The following CCNF variants were observed in gnomAD, a reference collection of about 807,000 sequenced individuals.
CCNF encodes cyclin F.
CCNF carries 30 observed loss-of-function variants against 85.4 expected under a neutral mutation model. The observed-to-expected ratio is 0.35, with a 90% CI of 0.26 to 0.48. The LOEUF is 0.48. Ranked by LOEUF, CCNF falls within the 20% of genes least tolerant of loss-of-function variation. The pLI is 0.99. For synonymous variants in CCNF, 439 were observed against 425.1 expected, an observed-to-expected ratio of 1.03 and a Z score of -0.40; for missense variants, 919 against 1,010.4, an observed-to-expected ratio of 0.91 and a Z score of 1.23.
At chr16:2,455,733 G>T (rs554838007) in intron 16 of CCNF, among the ~76,000 whole-genome samples, 169 bp downstream of exon 16, 1 of 152,156 alleles carries the variant, frequency 6.6e-6, no homozygotes, top group East Asian at 1.9e-4. Context: ...GACATGGGGA[G>T]AGAGGAGGGG....
intron 8 of CCNF, among the ~76,000 whole-genome samples, chr16:2,441,981 A>ATATG (rs1322601122): frequency 2.5e-4 from 25 of 98,764 alleles, no homozygotes; most frequent in South Asian, 9.9e-4. Flanking sequence ...ATATATATAT[A>ATATG]TGTTTTTGTT....
rs1256384819 is a variant in CCNF at position 2,451,203 on chromosome 16, C to T, written c.1487+1288C>T. Among the ~76,000 whole-genome samples the T allele has an allele frequency of 1.3e-5, 2 of 152,202 alleles. No homozygotes were observed. The highest frequency in any genetic ancestry group is 1.9e-4 in the East Asian group (1 of 5,192). On this transcript the variant is annotated intron_variant, in intron 13 of 16. Coordinates refer to ENST00000397066, the MANE Select transcript of CCNF (RefSeq NM_001761.3). This position sits in a 1 kb window ranked among gnomAD's most constrained non-coding sequence, Gnocchi z 4.3. ...AGAGAGTTCAGAGGTCAGGTCGTGA[C>T]GAGAGAAACAGCAGGCAGGCGCGCG...
Position 2,432,075 on chromosome 16 carries a change from C to A in CCNF, c.171+791C>A, listed in dbSNP as rs570433535. On this transcript the variant is annotated intron_variant, in intron 2 of 16. Coordinates refer to ENST00000397066, the MANE Select transcript of CCNF (RefSeq NM_001761.3). ...TCTATCTCTTGACCTCGTGATCCGCCCGCCTCGGCCTCCCAAAGTGCTGGG... is the reference window on the plus strand; with the variant it reads ...TCTATCTCTTGACCTCGTGATCCGCACGCCTCGGCCTCCCAAAGTGCTGGG... Among the ~76,000 whole-genome samples the A allele has an allele frequency of 6.6e-5, 10 of 152,228 alleles. No homozygotes were observed. In the East Asian group the frequency reaches 1.9e-3, roughly 29 times the overall value.
At position 2,449,098 on chromosome 16, in the gene CCNF, G is replaced by A. The variant is rs1330551374; in HGVS notation, c.1218+120G>A. The A allele has an allele frequency of 2.0e-6, 3 of 1,499,764 alleles. No individual in the cohort carries two copies. In the Admixed American group the frequency reaches 5.1e-5, roughly 26 times the overall value. 92.9% of individuals were successfully genotyped at this position (1,499,764 alleles called of 1,614,324 possible). A position where few individuals can be genotyped will look rare whatever the true frequency, so the allele number is the denominator to read the frequency against. On this transcript the variant is annotated intron_variant, in intron 11 of 16. Coordinates refer to ENST00000397066, the MANE Select transcript of CCNF (RefSeq NM_001761.3). ...ATGGACTCAGAGAGCAGCTGTCTCT[G>A]CTGTGCCCAAAGCCATGGAGCAGGA...
intron 9 of CCNF, 102 bp downstream of exon 9, chr16:2,443,902 G>A (rs889904897): frequency 8.3e-6 from 9 of 1,079,158 alleles, no homozygotes; most frequent in South Asian, 4.6e-5. Flanking sequence ...GTGACAGGGC[G>A]GCATAGAGTT....
At chr16:2,433,869 C>G (rs1313837563) in intron 3 of CCNF, among the ~76,000 whole-genome samples, 1 of 152,234 alleles carries the variant, frequency 6.6e-6, no homozygotes, top group Non-Finnish European at 1.5e-5. Flanking sequence ...TGAGCCTCGT[C>G]CATCTGAGTT....
At chr16:2,455,019 C>T (rs2065417784) in intron 15 of CCNF, among the ~76,000 whole-genome samples, 1 of 144,540 alleles carries the variant, frequency 6.9e-6, no homozygotes, top group Admixed American at 7.2e-5. Context: ...AAGATCACAC[C>T]ACTGCACTCT....
At chr16:2,443,313 C>T (rs2065342787) in intron 8 of CCNF, among the ~76,000 whole-genome samples, 1 of 150,976 alleles carries the variant, frequency 6.6e-6, no homozygotes, top group African/African-American at 2.4e-5. Context: ...TGGGTGTAAA[C>T]ATTGGCAGAA....
At position 2,443,789 on chromosome 16, in the gene CCNF, T is replaced by C. The variant is rs1567386918; in HGVS notation, c.918T>C (p.Asn306=). The change falls in exon 9 of 17, where the codon AAT becomes AAC. Residue 306 remains asparagine (N), a synonymous_variant. Coordinates refer to ENST00000397066, the MANE Select transcript of CCNF (RefSeq NM_001761.3). The stretch of plus-strand genomic sequence containing the variant: ...TCTTCTCCGTGCAGAAGGGACTCAA[T>C]GACACAATGAGGTGAGGCATTCAGG... ...QQVFSVQKGL[N]DTMRYILIDW... 6.2e-7 allele frequency: 1 copy of C among 1,614,090 alleles called. No individual in the cohort carries two copies. The highest frequency in any genetic ancestry group is 8.5e-7 in the Non-Finnish European group (1 of 1,180,004).
chr16:2,450,337 A>G (rs1285281774), intron 13 of CCNF, among the ~76,000 whole-genome samples: 1 of 11,850 alleles, frequency 8.4e-5, no homozygotes, highest in East Asian at 4.4e-3. Context: ...TGTCTCTACT[A>G]AAAAAAAAAA....
intron 15 of CCNF, among the ~76,000 whole-genome samples, chr16:2,454,774 G>A (rs2141831730): frequency 6.6e-6 from 1 of 152,326 alleles, no homozygotes; most frequent in Non-Finnish European, 1.5e-5. Flanking sequence ...ATCAACACCA[G>A]AGGGGCCGGG....
At position 2,431,221 on chromosome 16, in the gene CCNF, C is replaced by G. The variant is rs529342910; in HGVS notation, c.108C>G (p.Pro36=). ...GAAACCTGACCATCTTGAGTCTCCC[C>G]GAAGATGTGCTCTTTCACATCCTGA... ...RPRNLTILSL[P]EDVLFHILKW... Residue 36 remains proline, a synonymous_variant, in exon 2 of 17, where the codon CCC becomes CCG. Coordinates refer to ENST00000397066, the MANE Select transcript of CCNF (RefSeq NM_001761.3). 9 of 1,614,026 alleles carry G rather than the reference C, an allele frequency of 5.6e-6. No individual in the cohort carries two copies. Among genetic ancestry groups the G allele is most frequent in the Non-Finnish European group, 7.6e-6 (9 of 1,179,950 alleles).
chr16:2,452,319 G>A lies in CCNF; in HGVS notation c.1488-891G>A, dbSNP rs2065399497. Among the ~76,000 whole-genome samples, 1 of 152,180 alleles carries A rather than the reference G, an allele frequency of 6.6e-6. No homozygotes were observed. Among genetic ancestry groups the A allele is most frequent in the Non-Finnish European group, 1.5e-5 (1 of 68,032 alleles). ...ACCTGGTGGCATCTCCCGGGCTTTG[G>A]CATGTGCTGCTGCTCATGCTGCTTT... On this transcript the variant is annotated intron_variant, in intron 13 of 16. Coordinates refer to ENST00000397066, the MANE Select transcript of CCNF (RefSeq NM_001761.3). This position sits in a 1 kb window ranked among gnomAD's most constrained non-coding sequence, Gnocchi z 4.1.
intron 3 of CCNF, 136 bp from the exon 4 acceptor site, chr16:2,435,666 CATAT>C (rs71148135): frequency 0.077 from 3,264 of 42,216 alleles, 59 homozygotes; most frequent in South Asian, 0.082. Context: ...CACACACACA[CATAT>C]ATATATATAT....
chr16:2,431,455 G>C (rs2065262090), intron 2 of CCNF, among the ~76,000 whole-genome samples, 171 bp downstream of exon 2: 1 of 152,048 alleles, frequency 6.6e-6, no homozygotes, highest in Non-Finnish European at 1.5e-5. Context: ...AAGGGGGGTG[G>C]ATCACCTGAG....
Position 2,453,534 on chromosome 16 carries a change from A to C in CCNF, c.1712A>C (p.Lys571Thr). The C allele has an allele frequency of 6.2e-7, 1 of 1,613,956 alleles. No homozygotes were observed. Among genetic ancestry groups the C allele is most frequent in the Non-Finnish European group, 8.5e-7 (1 of 1,180,004 alleles). Residue 571 changes from lysine (K) to threonine (T), a missense_variant, in exon 15 of 17, where the codon AAA becomes ACA. Coordinates refer to ENST00000397066, the MANE Select transcript of CCNF (RefSeq NM_001761.3). The surrounding 1 kb of genome is among the most constrained non-coding windows in gnomAD (Gnocchi z 5.6). Reference protein sequence around the residue: ...FLSSPSGRRTKRKRENSLQED... With the variant: ...FLSSPSGRRTTRKRENSLQED... ...AGCTCTCCCTCGGGGCGGAGAACCA[A>C]ACGGTTAGTTACCCTGCGTTCTGGC... is the stretch of plus-strand genomic sequence containing the variant.
At chr16:2,439,264 C>T in intron 6 of CCNF, 89 bp from the exon 7 acceptor site, 2 of 1,178,772 alleles carry the variant, frequency 1.7e-6, no homozygotes, top group Non-Finnish European at 2.4e-6. Context: ...CGCCATTGCA[C>T]TCCAACCTGG....
intron 10 of CCNF, among the ~76,000 whole-genome samples, chr16:2,446,615 G>C (rs575997317): frequency 1.3e-5 from 2 of 152,224 alleles, no homozygotes; most frequent in Non-Finnish European, 2.9e-5. Flanking sequence ...TTTCCAGACC[G>C]ACTCCTCTGT....
rs1596916376 is a variant in CCNF at position 2,435,715 on chromosome 16, G to A, written c.279-91G>A. ...TATATATATATATATTCAATTCAGG[G>A]AACAAGTATTCTGACTTCTTCAAGT... On this transcript the variant is annotated intron_variant, in intron 3 of 16. Coordinates refer to ENST00000397066, the MANE Select transcript of CCNF (RefSeq NM_001761.3). 3 of 663,376 alleles carry A rather than the reference G, an allele frequency of 4.5e-6. No homozygotes were observed. The East Asian group carries it at 8.2e-5, about 18-fold the overall frequency. 41.1% of individuals were successfully genotyped at this position (663,376 alleles called of 1,614,324 possible). A position where few individuals can be genotyped will look rare whatever the true frequency, so the allele number is the denominator to read the frequency against.
Sources: gnomAD v4.1 joint callset for allele counts (sites outside exome capture counted in the v4.1 genomes callset) on GRCh38, gnomAD v4.1.1 for gene constraint, Gnocchi (gnomAD v3.1) non-coding constraint, MANE v1.5 for transcripts, NCBI Gene and HGNC (gene_info 2026-07-23, HGNC 2026-07-21) for gene names.